The following RAD51B variants were observed in gnomAD, a reference collection of about 807,000 sequenced individuals.
The protein encoded by RAD51B is RAD51 paralog B.
A neutral mutation model predicts 42.2 loss-of-function variants in RAD51B; 38 were observed. The ratio of observed to expected loss-of-function variants is 0.90; its 90% CI spans 0.70 to 1.18. The LOEUF is 1.18. Among genes scored for constraint, RAD51B ranks in the 50% most tolerant of loss-of-function variants. RAD51B has a pLI of 0.00. For synonymous variants in RAD51B, 154 were observed against 145.2 expected (o/e 1.06, Z -0.43); for missense variants, 373 against 400.7 (o/e 0.93, Z 0.59).
At chr14:68,198,891 A>G (rs1023638072) in intron 7 of RAD51B, among the ~76,000 whole-genome samples, 9 of 152,182 alleles carry the variant, frequency 5.9e-5, no homozygotes, top group Non-Finnish European at 8.8e-5. Context: ...CTGTTACACA[A>G]AACACCCTAT....
intron 9 of RAD51B, among the ~76,000 whole-genome samples, chr14:68,452,224 A>G (rs2085574585): frequency 6.6e-6 from 1 of 152,150 alleles, no homozygotes; most frequent in South Asian, 2.1e-4. Context: ...AGGGTGGAGA[A>G]AGGGAATGGA....
At chr14:68,081,837 A>C (rs900763212) in intron 7 of RAD51B, among the ~76,000 whole-genome samples, 2 of 152,216 alleles carry the variant, frequency 1.3e-5, no homozygotes, top group East Asian at 1.9e-4. Flanking sequence ...AGCCCCAGTG[A>C]ATGTTGAAGA....
chr14:67,935,998 T>G (rs2044928966), intron 7 of RAD51B, among the ~76,000 whole-genome samples: 1 of 152,200 alleles, frequency 6.6e-6, no homozygotes. Context: ...TAGATGTCAT[T>G]TTATTAATAG....
intron 7 of RAD51B, among the ~76,000 whole-genome samples, chr14:67,976,965 A>G (rs2075007623): frequency 6.6e-6 from 1 of 152,216 alleles, no homozygotes. Context: ...ACATGAAAAA[A>G]TGCTCATCAT....
chr14:68,237,202 G>A (rs1366909381), intron 7 of RAD51B, among the ~76,000 whole-genome samples: 1 of 152,194 alleles, frequency 6.6e-6, no homozygotes, highest in African/African-American at 2.4e-5. Context: ...GGATTCAAGT[G>A]TCTATTCCCT....
chr14:68,585,683 C>T (rs1890428145), intron 10 of RAD51B, among the ~76,000 whole-genome samples: 1 of 152,118 alleles, frequency 6.6e-6, no homozygotes, highest in Admixed American at 6.5e-5. Flanking sequence ...TCCTCCCCAC[C>T]CCGACCCCGG....
chr14:68,491,121 A>C (rs1457298639), intron 10 of RAD51B, among the ~76,000 whole-genome samples: 1 of 152,192 alleles, frequency 6.6e-6, no homozygotes. Context: ...CACCCTGCCC[A>C]GTGGCCAGTG....
At chr14:68,276,567 C>T (rs1408170567) in intron 7 of RAD51B, among the ~76,000 whole-genome samples, 6 of 152,050 alleles carry the variant, frequency 3.9e-5, no homozygotes, top group Non-Finnish European at 8.8e-5. Flanking sequence ...ACTATGCTTC[C>T]AGTATCTACA....
chr14:68,192,140 G>A lies in RAD51B; in HGVS notation c.757-99744G>A, dbSNP rs2079280438. ...CACCTACAGGCCAGACAAAGCCAAGGTCATGTATTGAGTGAATATAAGGAG... is the reference window on the plus strand; with the variant it reads ...CACCTACAGGCCAGACAAAGCCAAGATCATGTATTGAGTGAATATAAGGAG... On this transcript the variant is annotated intron_variant, in intron 7 of 10. Coordinates refer to ENST00000471583, the MANE Select transcript of RAD51B (RefSeq NM_133510.4). Among the ~76,000 whole-genome samples, 4 of 152,276 alleles carry A rather than the reference G, an allele frequency of 2.6e-5. No homozygotes were observed. The South Asian group carries it at 8.3e-4, about 32-fold the overall frequency.
intron 7 of RAD51B, among the ~76,000 whole-genome samples, chr14:68,025,253 T>TTGTTGAGGA (rs1487538720): frequency 6.6e-6 from 1 of 152,136 alleles, no homozygotes; most frequent in African/African-American, 2.4e-5. Flanking sequence ...TGCTAGTATT[T>TTGTTGAGGA]TGTTGAGGAT....
At chr14:68,298,351 A>C (rs2081653243) in intron 8 of RAD51B, among the ~76,000 whole-genome samples, 1 of 152,212 alleles carries the variant, frequency 6.6e-6, no homozygotes, top group Non-Finnish European at 1.5e-5. Flanking sequence ...GGAACATTAA[A>C]GTCAACCACC....
chr14:68,400,876 C>T (rs2084083753), intron 8 of RAD51B, among the ~76,000 whole-genome samples: 1 of 152,068 alleles, frequency 6.6e-6, no homozygotes, highest in African/African-American at 2.4e-5. Flanking sequence ...CAAGAGATTT[C>T]ACTACAAGTC....
intron 8 of RAD51B, among the ~76,000 whole-genome samples, chr14:68,309,496 A>G (rs946661236): frequency 3.9e-5 from 6 of 152,206 alleles, no homozygotes; most frequent in Non-Finnish European, 7.3e-5. Context: ...AGAAAAGTGA[A>G]GGGCAAAGGA....
At chr14:67,991,944 T>A (rs2075302978) in intron 7 of RAD51B, among the ~76,000 whole-genome samples, 1 of 152,102 alleles carries the variant, frequency 6.6e-6, no homozygotes, top group Admixed American at 6.6e-5. Context: ...GAGAAATGGC[T>A]TAGATGTAGG....
chr14:67,837,387 G>A (rs2041279851), intron 4 of RAD51B, among the ~76,000 whole-genome samples: 2 of 152,120 alleles, frequency 1.3e-5, no homozygotes, highest in Admixed American at 1.3e-4. Context: ...TTAAGTTTTA[G>A]AATAATTTTT....
At chr14:68,506,562 C>T (rs769894166) in intron 10 of RAD51B, among the ~76,000 whole-genome samples, 13 of 152,220 alleles carry the variant, frequency 8.5e-5, no homozygotes, top group Non-Finnish European at 1.6e-4. Flanking sequence ...CCGGTGCACA[C>T]GTGGGAATAT....
At chr14:67,893,351 A>T (rs887503665) in intron 7 of RAD51B, among the ~76,000 whole-genome samples, 3 of 151,778 alleles carry the variant, frequency 2.0e-5, no homozygotes, top group African/African-American at 7.3e-5. Context: ...GGTGTGCTGG[A>T]TCACACCTGA....
chr14:68,085,033 C>T (rs191128089), intron 7 of RAD51B, among the ~76,000 whole-genome samples: 13 of 152,208 alleles, frequency 8.5e-5, no homozygotes, highest in East Asian at 1.9e-4. Flanking sequence ...GAAAGGAAGG[C>T]GTCAAGAATA....
intron 8 of RAD51B, chr14:68,338,681 G>A (rs953970720): frequency 4.2e-5 from 11 of 260,808 alleles, no homozygotes; most frequent in African/African-American, 1.6e-4. Flanking sequence ...AGGAAATTTT[G>A]TATTATTTTA....
Sources: gnomAD v4.1 joint callset for allele counts (sites outside exome capture counted in the v4.1 genomes callset) on GRCh38, gnomAD v4.1.1 for gene constraint, MANE v1.5 for transcripts, NCBI Gene and HGNC (gene_info 2026-07-23, HGNC 2026-07-21) for gene names.